ZNF516: variants seen among roughly 807,000 people sequenced by gnomAD.
ZNF516 encodes zinc finger protein 516.
In ZNF516, 19 loss-of-function variants were observed where a neutral mutation model predicts 79.7. The observed-to-expected ratio is 0.24, with a 90% CI of 0.17 to 0.35. ZNF516 has a LOEUF of 0.35. ZNF516 is among the 10% of genes least tolerant of loss of function. ZNF516 has a pLI of 1.00. For missense variants in ZNF516, 1,678 were observed against 1,679.5 expected, an observed-to-expected ratio of 1.00 and a Z score of 0.02; for synonymous variants, 877 against 739.5, an observed-to-expected ratio of 1.19 and a Z score of -3.02.
At position 76,442,750 on chromosome 18, in the gene ZNF516, A is replaced by G; in HGVS notation, c.305T>C (p.Leu102Pro). The stretch of plus-strand genomic sequence containing the variant: ...GCCCTCGGAGGCGCGCATCTCACCC[A>G]GCGGCGCCTCGCCCGCCTCCGGCTC... The part of the protein sequence containing the change: ...GHEPEAGEAP[L>P]GEMRASEGLD... The change falls in exon 3 of 7, where the codon CTG (leucine) becomes CCG (proline). Residue 102 changes from leucine to proline, a missense_variant. By Grantham distance (98) the Leu-to-Pro change is moderately conservative. Around this residue, in one of 5 missense-constraint regions of ZNF516, gnomAD observed 279 missense variants for 254.1 expected, o/e 1.10. Transcript: ENST00000443185. 6.3e-7 allele frequency: 1 copy of G among 1,585,828 alleles called. No individual in the cohort carries two copies. The highest frequency in any genetic ancestry group is 8.6e-7 in the Non-Finnish European group (1 of 1,166,108).
Position 76,493,626 on chromosome 18 carries a change from C to T in ZNF516, c.-272+1518G>A, listed in dbSNP as rs1915359393. 6.6e-6 allele frequency: 1 copy of T among 152,222 alleles called. No homozygotes were observed. The highest frequency in any genetic ancestry group is 1.5e-5 in the Non-Finnish European group (1 of 68,042). The allele number at this position is 152,222 out of a possible 1,614,324, so 9.4% of individuals were successfully genotyped here. ...GTAAGCACTTTACCTAGCCGGGTTT[C>T]AGACCTTAAAAATAACATCTTTTCC... On this transcript the variant is annotated intron_variant, in intron 1 of 6. Transcript: ENST00000443185. This position sits in a 1 kb window ranked among gnomAD's most constrained non-coding sequence, Gnocchi z 5.2.
At position 76,479,301 on chromosome 18, in the gene ZNF516, C is replaced by T. The variant is rs79760033; in HGVS notation, c.-272+15843G>A. ...AACAGAACGTCCCTGTGAACACGGG[C>T]CACATTCTCTCAGCAAACCACAACA... On this transcript the variant is annotated intron_variant, in intron 1 of 6. Transcript: ENST00000443185. 7.2e-3 allele frequency among the ~76,000 whole-genome samples: 1,102 copies of T among 152,296 alleles called. 20 individuals carry two copies. The highest frequency in any genetic ancestry group is 0.026 in the African/African-American group (1,076 of 41,564).
At chr18:76,398,575 G>A (rs2075175644) in intron 3 of ZNF516, among the ~76,000 whole-genome samples, 1 of 152,186 alleles carries the variant, frequency 6.6e-6, no homozygotes, top group African/African-American at 2.4e-5. Flanking sequence ...GTAAGGAGGA[G>A]AGCAGGAAAG....
intron 3 of ZNF516, among the ~76,000 whole-genome samples, chr18:76,404,630 C>G (rs1568264539): frequency 6.6e-6 from 1 of 152,000 alleles, no homozygotes; most frequent in African/African-American, 2.4e-5. Flanking sequence ...TATGAGTGCA[C>G]CTGTGTGAGG....
At chr18:76,429,328 T>C (rs1250820376) in intron 3 of ZNF516, among the ~76,000 whole-genome samples, 1 of 152,210 alleles carries the variant, frequency 6.6e-6, no homozygotes, top group Non-Finnish European at 1.5e-5. Flanking sequence ...TCCATGGCCT[T>C]GGGACAGATA....
chr18:76,383,313 C>T (rs964353696), intron 3 of ZNF516, among the ~76,000 whole-genome samples: 6 of 152,076 alleles, frequency 3.9e-5, no homozygotes, highest in South Asian at 2.1e-4. Context: ...ACTGGAGAGG[C>T]GCAGGATCCT....
chr18:76,405,241 C>CT (rs201491472), intron 3 of ZNF516, among the ~76,000 whole-genome samples: 38,757 of 148,224 alleles, frequency 0.26, 6,106 homozygotes, highest in East Asian at 0.47. Flanking sequence ...CAGACTGTGT[C>CT]TTTTTTGAGA....
intron 6 of ZNF516, among the ~76,000 whole-genome samples, chr18:76,365,348 G>A (rs541987786): frequency 1.3e-5 from 2 of 152,204 alleles, no homozygotes; most frequent in African/African-American, 4.8e-5. Flanking sequence ...AAAACCACGA[G>A]GTTGGGGTGA....
intron 3 of ZNF516, among the ~76,000 whole-genome samples, chr18:76,437,446 T>A (rs2075758337): frequency 6.6e-6 from 1 of 151,162 alleles, no homozygotes; most frequent in Non-Finnish European, 1.5e-5. Flanking sequence ...TGACCATATT[T>A]TTTTTTTCTT....
In ZNF516 at chr18:76,463,053, T is replaced by TG. The variant is rs1913223541; in HGVS notation, c.-184dup. ...CTGGGCTTTCCTGGGAATGTGGAAA[T>TG]GCAATGACAACGCTCCCAGTTGGAT... is the stretch of plus-strand genomic sequence containing the variant. On this transcript the variant is annotated 5_prime_UTR_variant, in exon 2 of 7. Transcript: ENST00000443185. 1 of 152,208 alleles carries TG rather than the reference T, an allele frequency of 6.6e-6. No homozygotes were observed. Among genetic ancestry groups the TG allele is most frequent in the South Asian group, 2.1e-4 (1 of 4,834 alleles). 9.4% of individuals were successfully genotyped at this position (152,208 alleles called of 1,614,324 possible). A position where few individuals can be genotyped will look rare whatever the true frequency, so the allele number is the denominator to read the frequency against.
chr18:76,462,343 A>T (rs929292431), intron 2 of ZNF516, among the ~76,000 whole-genome samples: 1 of 152,248 alleles, frequency 6.6e-6, no homozygotes, highest in Non-Finnish European at 1.5e-5. Context: ...AAGACAGTTC[A>T]CACCACATCT....
At chr18:76,487,687 T>C (rs1914908328) in intron 1 of ZNF516, among the ~76,000 whole-genome samples, 1 of 152,168 alleles carries the variant, frequency 6.6e-6, no homozygotes, top group Non-Finnish European at 1.5e-5. Context: ...TCTCATCCAA[T>C]GGTGGGTGGG....
chr18:76,423,347 C>A (rs773495388), intron 3 of ZNF516, among the ~76,000 whole-genome samples: 4 of 152,246 alleles, frequency 2.6e-5, no homozygotes, highest in Non-Finnish European at 4.4e-5. Context: ...ACTGACAGTA[C>A]CTTGCCTCAA....
In ZNF516 at chr18:76,361,026, A is replaced by C. The variant is rs1364744038; in HGVS notation, c.*1472T>G. 1 of 151,958 alleles carries C rather than the reference A, an allele frequency of 6.6e-6. No homozygotes were observed. Among genetic ancestry groups the C allele is most frequent in the Non-Finnish European group, 1.5e-5 (1 of 68,004 alleles). The allele number at this position is 151,958 out of a possible 1,614,324, so 9.4% of individuals were successfully genotyped here. On this transcript the variant is annotated 3_prime_UTR_variant, in exon 7 of 7. Coordinates refer to ENST00000443185, the MANE Select transcript of ZNF516 (RefSeq NM_014643.4). ...TTAGGATAATTTCTGTACATGTAAA[A>C]TTATTGCTTTTTTGAAAAATATATT...
chr18:76,450,685 TTGA>T (rs1912353010), intron 2 of ZNF516, among the ~76,000 whole-genome samples: 1 of 152,186 alleles, frequency 6.6e-6, no homozygotes, highest in Non-Finnish European at 1.5e-5. Context: ...TTCCCAGCAC[TTGA>T]CGAAGTAAAA....
In ZNF516 at chr18:76,442,868, T is replaced by G. The variant is rs749264872; in HGVS notation, c.187A>C (p.Lys63Gln). ...GCCCGGTGGTCGCAGTAGGGACACT[T>G]GTAGGGCTTCTCGCCCGTGTGCTTG... ...MRKHTGEKPY[K>Q]CPYCDHRASQ... The change falls in exon 3 of 7, where the codon AAG (lysine) becomes CAG (glutamine). Residue 63 changes from lysine to glutamine, a missense_variant. Lys to Gln is a moderately conservative substitution (Grantham distance 53). This residue lies in a region of ZNF516 where 26 missense variants were observed against 66.4 expected (regional missense o/e 0.39). Coordinates refer to ENST00000443185, the MANE Select transcript of ZNF516 (RefSeq NM_014643.4). 9.3e-6 allele frequency: 15 copies of G among 1,613,382 alleles called. No individual in the cohort carries two copies. The highest frequency in any genetic ancestry group is 1.1e-5 in the Non-Finnish European group (13 of 1,179,728).
chr18:76,473,207 G>A (rs1285364797), intron 1 of ZNF516, among the ~76,000 whole-genome samples: 1 of 151,502 alleles, frequency 6.6e-6, no homozygotes, highest in East Asian at 1.9e-4. Context: ...AAGAAAAAGC[G>A]AGGAAGCACA....
intron 3 of ZNF516, among the ~76,000 whole-genome samples, chr18:76,404,447 ATG>A (rs530519902): frequency 0.016 from 2,436 of 152,222 alleles, 81 homozygotes; most frequent in African/African-American, 0.056. Flanking sequence ...AAGAGTGTGC[ATG>A]TGTGTGAGCA....
chr18:76,444,254 G>C lies in ZNF516; in HGVS notation c.-157-1043C>G. On this transcript the variant is annotated intron_variant, in intron 2 of 6. Transcript: ENST00000443185. ...GTGTTCAAGAGGGAGGGGCTGCACA[G>C]ACAACTCCCCGGGGACAGGCTCTGC... 1.3e-5 allele frequency among the ~76,000 whole-genome samples: 2 copies of C among 152,192 alleles called. 1 individual carries two copies. Among genetic ancestry groups the C allele is most frequent in the East Asian group, 3.9e-4 (2 of 5,194 alleles).
Sources: allele counts gnomAD v4.1 joint callset (sites outside exome capture counted in the v4.1 genomes callset), GRCh38; gene constraint gnomAD v4.1.1; regional missense constraint gnomAD v4.1.1; non-coding constraint Gnocchi (gnomAD v3.1); transcripts MANE v1.5; gene names NCBI Gene and HGNC (gene_info 2026-07-23, HGNC 2026-07-21).